Variants in ATF6 observed in about 807,000 individuals in gnomAD.
ATF6 encodes the protein cyclic AMP-dependent transcription factor ATF-6 alpha.
ATF6 carries 53 observed loss-of-function variants against 83.6 expected under a neutral mutation model. That is an observed-to-expected ratio of 0.63 (90% CI 0.51 to 0.80). The LOEUF is 0.80. ATF6 is among the 30% of genes least tolerant of loss of function. The pLI, the probability that ATF6 is intolerant of heterozygous loss-of-function variation, is 0.00. For synonymous variants in ATF6, 288 were observed against 285.8 expected (o/e 1.01, Z -0.08); for missense variants, 744 against 797.9 (o/e 0.93, Z 0.81).
At chr1:161,782,043 T>G (rs1217488265) in intron 3 of ATF6, 44 bp downstream of exon 3, 1 of 1,404,968 alleles carries the variant, frequency 7.1e-7, no homozygotes, top group East Asian at 2.3e-5. Flanking sequence ...AAGATCAATT[T>G]TATTTTGTAG....
intron 15 of ATF6, among the ~76,000 whole-genome samples, chr1:161,930,525 T>G (rs919164246): frequency 6.6e-6 from 1 of 152,222 alleles, no homozygotes; most frequent in Non-Finnish European, 1.5e-5. Context: ...AATGCAAGAT[T>G]ATTCACATTT....
In ATF6 at chr1:161,807,568, TCTGTG is replaced by T. The variant is rs1287516781; in HGVS notation, c.909+5300_909+5304del. ...TCCAGGGTTTAGTAAAAAAATTACT[TCTGTG>T]CTGACTGCATTGTGGCTTTGCTGCT... is the stretch of plus-strand genomic sequence containing the variant. On this transcript the variant is annotated intron_variant, in intron 7 of 15. Transcript: ENST00000367942. Among the ~76,000 whole-genome samples the T allele has an allele frequency of 2.0e-5, 3 of 152,190 alleles. No individual in the cohort carries two copies. The East Asian group carries it at 5.8e-4, about 29-fold the overall frequency.
At chr1:161,863,428 T>C (rs894964473) in intron 14 of ATF6, 116 bp downstream of exon 14, 2 of 701,822 alleles carry the variant, frequency 2.8e-6, no homozygotes, top group African/African-American at 3.6e-5. Flanking sequence ...CAATATAAAA[T>C]AAATTATGTG....
intron 14 of ATF6, among the ~76,000 whole-genome samples, chr1:161,902,476 T>C (rs1444261275): frequency 6.6e-6 from 1 of 152,240 alleles, no homozygotes; most frequent in Non-Finnish European, 1.5e-5. Flanking sequence ...ACTAGCTTGG[T>C]GCCACTACAT....
intron 13 of ATF6, among the ~76,000 whole-genome samples, chr1:161,862,123 G>A (rs746621049): frequency 9.2e-5 from 14 of 152,126 alleles, no homozygotes; most frequent in African/African-American, 1.2e-4. Context: ...TCCCCCAGGA[G>A]GATGGTTTAG....
At chr1:161,777,432 A>G (rs1684540989) in intron 1 of ATF6, among the ~76,000 whole-genome samples, 1 of 152,194 alleles carries the variant, frequency 6.6e-6, no homozygotes. Flanking sequence ...TGCAGTTCCT[A>G]CACTTGTGCA....
At chr1:161,928,627 TAAA>T (rs56784074) in intron 15 of ATF6, among the ~76,000 whole-genome samples, 135 of 151,238 alleles carry the variant, frequency 8.9e-4, no homozygotes, top group African/African-American at 1.5e-3. Flanking sequence ...GCCTTTTTTT[TAAA>T]AAAAAAAGCA....
chr1:161,931,443 C>A (rs1309923064), intron 15 of ATF6, among the ~76,000 whole-genome samples: 1 of 152,154 alleles, frequency 6.6e-6, no homozygotes, highest in African/African-American at 2.4e-5. Flanking sequence ...TTAAACCTTG[C>A]AAGCCTTATC....
rs1318307886 is a variant in ATF6, at chr1:161,959,817, T to C, written c.*1163T>C. ...GTTTTCTCTACTAATCTGGTCCAGGTCCTCATGGACCACAGGACAAAGCTT... is the reference window on the plus strand; with the variant it reads ...GTTTTCTCTACTAATCTGGTCCAGGCCCTCATGGACCACAGGACAAAGCTT... On this transcript the variant is annotated 3_prime_UTR_variant, in exon 16 of 16. Coordinates refer to ENST00000367942, the MANE Select transcript of ATF6 (RefSeq NM_007348.4). 1 of 152,176 alleles carries C rather than the reference T, an allele frequency of 6.6e-6. No individual in the cohort carries two copies. Among genetic ancestry groups the C allele is most frequent in the East Asian group, 1.9e-4 (1 of 5,194 alleles). The allele number at this position is 152,176 out of a possible 1,614,324, so 9.4% of individuals were successfully genotyped here.
chr1:161,938,980 A>G (rs145161646), intron 15 of ATF6, among the ~76,000 whole-genome samples: 32 of 152,268 alleles, frequency 2.1e-4, no homozygotes, highest in African/African-American at 7.2e-4. Flanking sequence ...AGACTCATCT[A>G]TACTTGCTGT....
At chr1:161,917,594 G>T (rs911103720) in intron 15 of ATF6, among the ~76,000 whole-genome samples, 1 of 152,000 alleles carries the variant, frequency 6.6e-6, no homozygotes, top group African/African-American at 2.4e-5. Context: ...CTAATTTTTT[G>T]TATTTTCAGT....
chr1:161,815,184 ATTTTTTTTTTTTTT>A (rs34687938), intron 7 of ATF6, among the ~76,000 whole-genome samples: 9 of 96,452 alleles, frequency 9.3e-5, no homozygotes, highest in African/African-American at 1.4e-4. Flanking sequence ...TCCCATTTTA[ATTTTTTTTTTTTTT>A]TTTTTTTTTT....
chr1:161,802,743 C>G lies in ATF6; in HGVS notation c.909+471C>G, dbSNP rs145039015. 1.2e-3 allele frequency among the ~76,000 whole-genome samples: 184 copies of G among 152,304 alleles called. 1 individual carries two copies. The highest frequency in any genetic ancestry group is 6.8e-3 in the Middle Eastern group (2 of 294). On this transcript the variant is annotated intron_variant, in intron 7 of 15. Transcript: ENST00000367942. Reference sequence around the variant, plus strand: ...TATTTTCACCACTTCATAATGATGACTAGCTACTCTTAGGAATTCTGTCTC... The same window carrying G: ...TATTTTCACCACTTCATAATGATGAGTAGCTACTCTTAGGAATTCTGTCTC...
At chr1:161,799,909 ATG>A (rs1419017525) in intron 6 of ATF6, among the ~76,000 whole-genome samples, 1 of 152,174 alleles carries the variant, frequency 6.6e-6, no homozygotes, top group African/African-American at 2.4e-5. Flanking sequence ...TGAGTTTTAC[ATG>A]GGTCAACCTG....
intron 6 of ATF6, among the ~76,000 whole-genome samples, chr1:161,795,834 G>A (rs978439672): frequency 1.3e-5 from 2 of 152,194 alleles, no homozygotes; most frequent in African/African-American, 2.4e-5. Flanking sequence ...CATTTACCAA[G>A]TCACCATGAG....
At chr1:161,776,732 G>A (rs561713356) in intron 1 of ATF6, among the ~76,000 whole-genome samples, 89 of 152,280 alleles carry the variant, frequency 5.8e-4, no homozygotes, top group African/African-American at 1.9e-3. Context: ...GATATGTTAG[G>A]TTTGACATGC....
intron 10 of ATF6, among the ~76,000 whole-genome samples, chr1:161,848,188 G>T (rs1260586368): frequency 6.6e-6 from 1 of 151,502 alleles, no homozygotes; most frequent in African/African-American, 2.4e-5. Flanking sequence ...ATATTTTTCA[G>T]CAACTTGAGA....
chr1:161,817,803 A>C (rs1447706208), intron 7 of ATF6, among the ~76,000 whole-genome samples: 1 of 152,154 alleles, frequency 6.6e-6, no homozygotes, highest in Admixed American at 6.6e-5. Context: ...TTGTTTTAAA[A>C]GAAATAGATT....
chr1:161,938,994 C>T (rs1245129062), intron 15 of ATF6, among the ~76,000 whole-genome samples: 3 of 152,138 alleles, frequency 2.0e-5, no homozygotes, highest in Non-Finnish European at 4.4e-5. Flanking sequence ...TTGCTGTTTC[C>T]TCCTTCTCTC....
Sources: gnomAD v4.1 joint callset for allele counts (sites outside exome capture counted in the v4.1 genomes callset) on GRCh38, gnomAD v4.1.1 for gene constraint, MANE v1.5 for transcripts, NCBI Gene and HGNC (gene_info 2026-07-23, HGNC 2026-07-21) for gene names.